Variants in AGBL1 observed in about 807,000 individuals in gnomAD.
The protein encoded by AGBL1 is AGBL carboxypeptidase 1.
AGBL1 carries 130 observed loss-of-function variants against 118.9 expected under a neutral mutation model. The observed-to-expected ratio is 1.09, with a 90% CI of 0.95 to 1.26. AGBL1 has a LOEUF of 1.26. Ranked by LOEUF, AGBL1 falls within the 50% of genes most tolerant of loss-of-function variation. The pLI is 0.00. For missense variants in AGBL1, 1,584 were observed against 1,298.1 expected, an observed-to-expected ratio of 1.22 and a Z score of -3.38; for synonymous variants, 555 against 478.9, an observed-to-expected ratio of 1.16 and a Z score of -2.08.
At chr15:86,904,313 C>T (rs1291963302) in intron 22 of AGBL1, among the ~76,000 whole-genome samples, 1 of 151,920 alleles carries the variant, frequency 6.6e-6, no homozygotes, top group East Asian at 1.9e-4. Flanking sequence ...TCTCTCCCTA[C>T]TCCATCCACG....
At chr15:86,163,890 C>T (rs1425497338) in intron 5 of AGBL1, among the ~76,000 whole-genome samples, 5 of 152,172 alleles carry the variant, frequency 3.3e-5, no homozygotes, top group Admixed American at 1.3e-4. Flanking sequence ...CCCCTGATAC[C>T]AGGCTGGCTG....
At chr15:86,792,422 G>T (rs1427933115) in intron 22 of AGBL1, among the ~76,000 whole-genome samples, 2 of 152,164 alleles carry the variant, frequency 1.3e-5, no homozygotes, top group East Asian at 3.9e-4. Flanking sequence ...AGACAGCAAA[G>T]ATGTCAAGCA....
At chr15:86,231,204 G>A (rs1185098943) in intron 6 of AGBL1, among the ~76,000 whole-genome samples, 2 of 152,102 alleles carry the variant, frequency 1.3e-5, no homozygotes, top group Non-Finnish European at 2.9e-5. Context: ...AAAGGAACTG[G>A]GATTCTACTG....
intron 21 of AGBL1, among the ~76,000 whole-genome samples, chr15:86,602,881 G>A (rs1156803419): frequency 6.6e-6 from 1 of 152,150 alleles, no homozygotes; most frequent in East Asian, 1.9e-4. Flanking sequence ...TGGAATGCTA[G>A]GATCTGTGTT....
intron 18 of AGBL1, among the ~76,000 whole-genome samples, chr15:86,434,170 T>A (rs2081973025): frequency 6.6e-6 from 1 of 152,248 alleles, no homozygotes; most frequent in Admixed American, 6.5e-5. Context: ...TTTTGATGAC[T>A]GTGCTAACCA....
chr15:86,519,333 A>C (rs2083158573), intron 18 of AGBL1, among the ~76,000 whole-genome samples: 1 of 152,162 alleles, frequency 6.6e-6, no homozygotes, highest in Admixed American at 6.5e-5. Flanking sequence ...TAGGCACTGA[A>C]TTTATTGCCA....
intron 18 of AGBL1, among the ~76,000 whole-genome samples, chr15:86,503,711 G>A (rs2082943188): frequency 2.6e-5 from 4 of 151,164 alleles, no homozygotes; most frequent in Non-Finnish European, 5.9e-5. Context: ...GGAGTGCATT[G>A]TTTAATTTCC....
intron 3 of AGBL1, among the ~76,000 whole-genome samples, chr15:86,147,742 G>A (rs1482082936): frequency 6.6e-6 from 1 of 152,212 alleles, no homozygotes; most frequent in Non-Finnish European, 1.5e-5. Flanking sequence ...TGACAACTCT[G>A]AAGAGAGCAA....
chr15:86,203,179 A>C (rs1386974237), intron 5 of AGBL1, among the ~76,000 whole-genome samples: 1 of 152,186 alleles, frequency 6.6e-6, no homozygotes, highest in Non-Finnish European at 1.5e-5. Flanking sequence ...GGAATCCAAA[A>C]GTTGGGAGTT....
intron 21 of AGBL1, among the ~76,000 whole-genome samples, chr15:86,618,406 G>A (rs191928574): frequency 2.0e-5 from 3 of 152,188 alleles, no homozygotes; most frequent in Admixed American, 6.5e-5. Context: ...TAAAGCAAAC[G>A]GAGCTAAAAT....
intron 18 of AGBL1, among the ~76,000 whole-genome samples, chr15:86,518,476 C>T (rs1036806420): frequency 3.3e-5 from 5 of 152,066 alleles, no homozygotes; most frequent in Non-Finnish European, 7.4e-5. Context: ...TGCTGATTGA[C>T]TCTTCGATAA....
chr15:86,442,548 C>T (rs898378950), intron 18 of AGBL1, among the ~76,000 whole-genome samples: 3 of 152,200 alleles, frequency 2.0e-5, no homozygotes, highest in African/African-American at 7.2e-5. Context: ...AATAAAAGAT[C>T]ATTTTAGATC....
chr15:86,811,936 C>T (rs2141369582), intron 22 of AGBL1, among the ~76,000 whole-genome samples: 1 of 152,306 alleles, frequency 6.6e-6, no homozygotes, highest in Non-Finnish European at 1.5e-5. Context: ...CATTCTAAGG[C>T]TCAGTTTCTT....
intron 22 of AGBL1, among the ~76,000 whole-genome samples, chr15:86,797,087 G>A (rs536167743): frequency 3.2e-4 from 49 of 152,338 alleles, no homozygotes; most frequent in Non-Finnish European, 6.2e-4. Context: ...TCTGTGAAGT[G>A]CCCATTAGAA....
intron 17 of AGBL1, among the ~76,000 whole-genome samples, chr15:86,355,217 T>G (rs946823269): frequency 6.6e-6 from 1 of 152,248 alleles, no homozygotes; most frequent in Non-Finnish European, 1.5e-5. Flanking sequence ...AATAGAAAAC[T>G]AACATATTCA....
chr15:86,207,503 A>G (rs1050535028), intron 5 of AGBL1, among the ~76,000 whole-genome samples: 1 of 152,068 alleles, frequency 6.6e-6, no homozygotes, highest in Non-Finnish European at 1.5e-5. Context: ...AGTGGTTTGT[A>G]GTTCTCCTTG....
chr15:86,756,572 A>C (rs911901945), intron 22 of AGBL1, among the ~76,000 whole-genome samples: 1 of 152,098 alleles, frequency 6.6e-6, no homozygotes, highest in Non-Finnish European at 1.5e-5. Flanking sequence ...GGAACTGGGG[A>C]AGATTTCCCA....
chr15:86,185,798 C>T (rs963222532), intron 5 of AGBL1, among the ~76,000 whole-genome samples: 2 of 151,974 alleles, frequency 1.3e-5, no homozygotes, highest in Admixed American at 1.3e-4. Context: ...GGAGATATAC[C>T]TAATGTAAAT....
chr15:86,382,670 T>C (rs2081128278), intron 17 of AGBL1, among the ~76,000 whole-genome samples: 1 of 151,882 alleles, frequency 6.6e-6, no homozygotes, highest in African/African-American at 2.4e-5. Flanking sequence ...ATAATAATAA[T>C]AATTATTATT....
Sources: gnomAD v4.1 joint callset for allele counts (sites outside exome capture counted in the v4.1 genomes callset) on GRCh38, gnomAD v4.1.1 for gene constraint, MANE v1.5 for transcripts, NCBI Gene and HGNC (gene_info 2026-07-23, HGNC 2026-07-21) for gene names.